Variants in MIB1 observed in about 807,000 individuals in gnomAD.
MIB1 encodes MIB E3 ubiquitin protein ligase 1.
A neutral mutation model predicts 124.5 loss-of-function variants in MIB1; 278 were observed. The ratio of observed to expected loss-of-function variants is 2.23; its 90% CI spans 2.02 to 2.47. MIB1 has a LOEUF of 2.47. MIB1 is among the 30% of genes most tolerant of loss of function. The pLI, the probability that MIB1 is intolerant of heterozygous loss-of-function variation, is 0.00. For missense variants in MIB1, 957 were observed against 1,254.4 expected (o/e 0.76, Z 3.58); for synonymous variants, 446 against 429.4 (o/e 1.04, Z -0.48).
intron 1 of MIB1, among the ~76,000 whole-genome samples, chr18:21,732,351 TACACACACACACACACACACACAC>T (rs59731612): frequency 1.4e-5 from 2 of 141,058 alleles, no homozygotes; most frequent in East Asian, 2.1e-4. Context: ...ATTATATGTA[TACACACACACACACACACACACAC>T]ACACACACAC....
At chr18:21,814,083 C>T (rs2041803333) in intron 10 of MIB1, among the ~76,000 whole-genome samples, 2 of 152,046 alleles carry the variant, frequency 1.3e-5, no homozygotes, top group African/African-American at 4.8e-5. Context: ...AAAGTACCTT[C>T]TTTTAGTTTT....
At chr18:21,742,692 A>G (rs1009969113) in intron 1 of MIB1, among the ~76,000 whole-genome samples, 3 of 152,210 alleles carry the variant, frequency 2.0e-5, no homozygotes, top group African/African-American at 7.2e-5. Flanking sequence ...ATATAGATTC[A>G]TCTTTGGTAT....
At chr18:21,814,439 C>T (rs753531801) in intron 10 of MIB1, among the ~76,000 whole-genome samples, 1 of 151,350 alleles carries the variant, frequency 6.6e-6, no homozygotes, top group Non-Finnish European at 1.5e-5. Flanking sequence ...CTTTGTAGGA[C>T]GTGCACGGTG....
chr18:21,785,932 T>A (rs576329781), intron 6 of MIB1, among the ~76,000 whole-genome samples: 4 of 152,322 alleles, frequency 2.6e-5, no homozygotes, highest in Admixed American at 6.5e-5. Context: ...TATGTCATCT[T>A]GCTCTCTCCT....
chr18:21,848,761 C>G (rs1263082703), intron 16 of MIB1, among the ~76,000 whole-genome samples: 1 of 152,188 alleles, frequency 6.6e-6, no homozygotes, highest in East Asian at 1.9e-4. Flanking sequence ...AGTGCCCTAT[C>G]TGTTGTGGAC....
chr18:21,730,844 T>G (rs2040766068), intron 1 of MIB1, among the ~76,000 whole-genome samples: 1 of 152,234 alleles, frequency 6.6e-6, no homozygotes, highest in African/African-American at 2.4e-5. Context: ...CTCATTGCTA[T>G]TAGGATAAAT....
intron 1 of MIB1, among the ~76,000 whole-genome samples, chr18:21,758,453 A>G (rs1049773048): frequency 9.2e-5 from 14 of 152,222 alleles, no homozygotes; most frequent in Non-Finnish European, 2.1e-4. Context: ...GAATGAATCC[A>G]TAAATTAGAA....
Position 21,728,762 on chromosome 18 carries a change from A to G in MIB1, n.167+23639A>G, listed in dbSNP as rs144219108. Among the ~76,000 whole-genome samples, 41 of 152,336 alleles carry G rather than the reference A, an allele frequency of 2.7e-4. No homozygotes were observed. The East Asian group carries it at 6.2e-3, about 23-fold the overall frequency. ...GTGTAATTATCAAATCAGGGTAATTAGCATATCCACGATCTCAAACATTTA... is the reference window on the plus strand; with the variant it reads ...GTGTAATTATCAAATCAGGGTAATTGGCATATCCACGATCTCAAACATTTA... On this transcript the variant is annotated intron_variant and non_coding_transcript_variant, in intron 1 of 20. Transcript: ENST00000578646.
intron 2 of MIB1, 139 bp downstream of exon 2, chr18:21,766,082 A>T (rs2041155389): frequency 2.7e-6 from 2 of 735,030 alleles, no homozygotes; most frequent in East Asian, 5.3e-5. Context: ...AGTAGGATAG[A>T]AGTGGACCAA....
chr18:21,758,350 A>C (rs890837885), intron 1 of MIB1, among the ~76,000 whole-genome samples: 1 of 152,150 alleles, frequency 6.6e-6, no homozygotes, highest in Non-Finnish European at 1.5e-5. Context: ...AAATATTTTG[A>C]TGGTTCAGGG....
intron 12 of MIB1, among the ~76,000 whole-genome samples, chr18:21,832,807 A>G (rs1417950678): frequency 1.3e-5 from 2 of 152,222 alleles, no homozygotes. Flanking sequence ...AATTTTACTC[A>G]TATTATGAGA....
intron 9 of MIB1, among the ~76,000 whole-genome samples, chr18:21,800,969 G>A (rs903344769): frequency 1.6e-4 from 25 of 151,818 alleles, no homozygotes; most frequent in African/African-American, 5.8e-4. Context: ...CTGTACTTAA[G>A]TTTTTTCTTC....
intron 1 of MIB1, among the ~76,000 whole-genome samples, chr18:21,705,378 G>A (rs185337236): frequency 6.6e-6 from 1 of 152,324 alleles, no homozygotes; most frequent in East Asian, 1.9e-4. Flanking sequence ...TAGCAACCGG[G>A]ATTCAATTGT....
At chr18:21,832,417 A>C (rs1014797402) in intron 12 of MIB1, among the ~76,000 whole-genome samples, 4 of 152,168 alleles carry the variant, frequency 2.6e-5, no homozygotes, top group Non-Finnish European at 5.9e-5. Context: ...AGGTAAAAAT[A>C]CTTTTGTTTT....
At chr18:21,818,719 G>GA (rs1436694735) in intron 11 of MIB1, among the ~76,000 whole-genome samples, 1 of 152,006 alleles carries the variant, frequency 6.6e-6, no homozygotes, top group Non-Finnish European at 1.5e-5. Flanking sequence ...GGCAGATCAC[G>GA]AGGTCAGGAG....
At chr18:21,728,738 T>C (rs1299929704) in intron 1 of MIB1, among the ~76,000 whole-genome samples, 1 of 152,208 alleles carries the variant, frequency 6.6e-6, no homozygotes, top group African/African-American at 2.4e-5. Context: ...GTAAACAATG[T>C]GTAATTATCA....
intron 4 of MIB1, 113 bp downstream of exon 4, chr18:21,773,841 T>G: frequency 1.7e-6 from 1 of 605,012 alleles, no homozygotes; most frequent in Non-Finnish European, 2.8e-6. Context: ...ACCTTTACGT[T>G]TTTACTATGT....
intron 13 of MIB1, among the ~76,000 whole-genome samples, chr18:21,842,763 A>G (rs1283282706): frequency 6.6e-6 from 1 of 152,202 alleles, no homozygotes; most frequent in African/African-American, 2.4e-5. Flanking sequence ...AAGACTCATT[A>G]TTATAACTTT....
intron 1 of MIB1, among the ~76,000 whole-genome samples, chr18:21,711,416 G>A (rs537738600): frequency 1.3e-5 from 2 of 151,824 alleles, no homozygotes; most frequent in African/African-American, 4.8e-5. Context: ...TGAGTAGTTG[G>A]GATTACAGGT....
Sources: gnomAD v4.1 joint callset for allele counts (sites outside exome capture counted in the v4.1 genomes callset) on GRCh38, gnomAD v4.1.1 for gene constraint, MANE v1.5 for transcripts, NCBI Gene and HGNC (gene_info 2026-07-23, HGNC 2026-07-21) for gene names.